Variants in THRB observed in about 807,000 individuals in gnomAD.
THRB encodes the protein thyroid hormone receptor beta.
A neutral mutation model predicts 47.8 loss-of-function variants in THRB; 12 were observed. That is an observed-to-expected ratio of 0.25 (90% CI 0.16 to 0.41). The LOEUF (loss-of-function observed/expected upper bound fraction) is 0.41, where lower values mean the gene tolerates loss of function less well. Among genes scored for constraint, THRB ranks in the 10% least tolerant of loss-of-function variants. The probability of loss-of-function intolerance (pLI) is 1.00; values close to 1 mark genes in which losing one functional copy is unlikely to be tolerated. For synonymous variants in THRB, 218 were observed against 212.2 expected, an observed-to-expected ratio of 1.03 and a Z score of -0.24; for missense variants, 348 against 589.2, an observed-to-expected ratio of 0.59 and a Z score of 4.24.
At chr3:24,178,747 T>C (rs1437178595) in intron 5 of THRB, among the ~76,000 whole-genome samples, 2 of 152,112 alleles carry the variant, frequency 1.3e-5, no homozygotes, top group African/African-American at 2.4e-5. Context: ...TAGAGTAGAA[T>C]GGTGATAACT....
At chr3:24,479,371 G>A (rs1002346897) in intron 1 of THRB, among the ~76,000 whole-genome samples, 16 of 152,130 alleles carry the variant, frequency 1.1e-4, no homozygotes, top group Non-Finnish European at 2.1e-4. Flanking sequence ...CAGCCCCTCC[G>A]ACCCCAACAA....
intron 9 of THRB, among the ~76,000 whole-genome samples, chr3:24,130,945 C>A (rs1180150896): frequency 6.6e-6 from 1 of 152,112 alleles, no homozygotes; most frequent in Non-Finnish European, 1.5e-5. Flanking sequence ...CATTGGAAAT[C>A]ATTTTGTGAA....
chr3:24,421,616 A>ACCCT (rs879655612), intron 1 of THRB, among the ~76,000 whole-genome samples: 14 of 151,994 alleles, frequency 9.2e-5, no homozygotes, highest in African/African-American at 3.4e-4. Flanking sequence ...GCCACCCAGG[A>ACCCT]CCCTGCCAAG....
At chr3:24,180,164 A>T (rs1006387237) in intron 5 of THRB, among the ~76,000 whole-genome samples, 1 of 152,050 alleles carries the variant, frequency 6.6e-6, no homozygotes, top group Non-Finnish European at 1.5e-5. Flanking sequence ...TAGTCTTATT[A>T]TAAGAAGTTA....
At chr3:24,462,924 A>G (rs890177832) in intron 1 of THRB, among the ~76,000 whole-genome samples, 7 of 152,216 alleles carry the variant, frequency 4.6e-5, no homozygotes, top group Admixed American at 3.3e-4. Flanking sequence ...ATCTGCTTCT[A>G]TGCATGAGCA....
intron 2 of THRB, among the ~76,000 whole-genome samples, chr3:24,336,678 C>A (rs527769119): frequency 1.3e-5 from 2 of 151,826 alleles, no homozygotes; most frequent in Non-Finnish European, 2.9e-5. Context: ...GGTGCTTGTA[C>A]CCTATCTGAC....
chr3:24,308,946 A>T (rs1335836722), intron 2 of THRB, among the ~76,000 whole-genome samples: 2 of 152,076 alleles, frequency 1.3e-5, no homozygotes, highest in Non-Finnish European at 2.9e-5. Flanking sequence ...TTGCCATTTA[A>T]ACTGCCATAC....
In THRB at chr3:24,307,795, T is replaced by C. The variant is rs902188979; in HGVS notation, c.-188-10424A>G. 1.4e-4 allele frequency among the ~76,000 whole-genome samples: 22 copies of C among 152,340 alleles called. No individual in the cohort carries two copies. In the Middle Eastern group the frequency reaches 0.01, roughly 71 times the overall value. On this transcript the variant is annotated intron_variant, in intron 2 of 10. Transcript: ENST00000646209. ...TCCTTCAAGAATTTCCCTGTGACTT[T>C]GCTCTGTCCATACTCAAAGATTTCT...
intron 1 of THRB, among the ~76,000 whole-genome samples, chr3:24,344,773 T>C (rs1577002436): frequency 6.6e-6 from 1 of 152,102 alleles, no homozygotes; most frequent in East Asian, 1.9e-4. Flanking sequence ...CTATTCCATT[T>C]AACTCTACCC....
At chr3:24,247,304 C>G (rs1032712013) in intron 3 of THRB, among the ~76,000 whole-genome samples, 3 of 152,206 alleles carry the variant, frequency 2.0e-5, no homozygotes, top group African/African-American at 7.2e-5. Flanking sequence ...ATAGCAATAG[C>G]AGCTAACATT....
chr3:24,492,572 T>G (rs939819714), intron 1 of THRB, among the ~76,000 whole-genome samples: 1 of 152,162 alleles, frequency 6.6e-6, no homozygotes, highest in Admixed American at 6.5e-5. Context: ...GCAATACCAT[T>G]TGTGGCTCCA....
At chr3:24,164,844 T>G (rs1448593931) in intron 5 of THRB, among the ~76,000 whole-genome samples, 1 of 152,220 alleles carries the variant, frequency 6.6e-6, no homozygotes, top group Non-Finnish European at 1.5e-5. Context: ...AAAAAGTGCT[T>G]GGAAATCTTG....
upstream of THRB, chr3:24,495,303 G>C: frequency 6.2e-4 from 1 of 1,626 alleles, no homozygotes; most frequent in Non-Finnish European, 1.6e-3. Context: ...CGCACACCCC[G>C]CCGCCGCCGC....
intron 3 of THRB, among the ~76,000 whole-genome samples, chr3:24,243,923 A>C (rs942174641): frequency 1.3e-5 from 2 of 152,150 alleles, no homozygotes; most frequent in African/African-American, 4.8e-5. Flanking sequence ...AGGCCCAGTG[A>C]CACAAAAGGA....
At chr3:24,326,586 G>A (rs570116905) in intron 2 of THRB, among the ~76,000 whole-genome samples, 57 of 152,026 alleles carry the variant, frequency 3.7e-4, no homozygotes, top group Non-Finnish European at 7.6e-4. Flanking sequence ...CCTCCCACTG[G>A]CATAGCATGG....
chr3:24,301,893 T>C (rs563908630), intron 2 of THRB, among the ~76,000 whole-genome samples: 27 of 152,224 alleles, frequency 1.8e-4, no homozygotes, highest in South Asian at 8.3e-4. Context: ...AGATGCAACA[T>C]TGTTGACTTT....
At chr3:24,146,291 G>A (rs2036091071) in intron 7 of THRB, among the ~76,000 whole-genome samples, 1 of 152,180 alleles carries the variant, frequency 6.6e-6, no homozygotes, top group Non-Finnish European at 1.5e-5. Context: ...TACCCCATGT[G>A]AACACTGTGT....
At chr3:24,152,549 C>T (rs1213661291) in intron 5 of THRB, 59 bp from the exon 6 acceptor site, 1 of 950,080 alleles carries the variant, frequency 1.1e-6, no homozygotes, top group Non-Finnish European at 1.7e-6. Flanking sequence ...CAAAGAGACA[C>T]TATAGCTAAG....
At chr3:24,302,687 G>A (rs907187784) in intron 2 of THRB, among the ~76,000 whole-genome samples, 6 of 152,168 alleles carry the variant, frequency 3.9e-5, no homozygotes, top group East Asian at 1.9e-4. Context: ...CCAGTCCATC[G>A]GCTAAGCATT....
Sources: gnomAD v4.1 joint callset for allele counts (sites outside exome capture counted in the v4.1 genomes callset) on GRCh38, gnomAD v4.1.1 for gene constraint, MANE v1.5 for transcripts, NCBI Gene and HGNC (gene_info 2026-07-23, HGNC 2026-07-21) for gene names.